CCDC178: variants seen among roughly 807,000 people sequenced by gnomAD.
The protein encoded by CCDC178 is coiled-coil domain-containing protein 178.
CCDC178 carries 126 observed loss-of-function variants against 117.4 expected under a neutral mutation model. The observed-to-expected ratio is 1.07, with a 90% CI of 0.93 to 1.24. CCDC178 has a LOEUF of 1.24. CCDC178 is among the 50% of genes most tolerant of loss of function. The pLI, the probability that CCDC178 is intolerant of heterozygous loss-of-function variation, is 0.00. For missense variants in CCDC178, 1,030 were observed against 986.9 expected, an observed-to-expected ratio of 1.04 and a Z score of -0.59; for synonymous variants, 283 against 313.4, an observed-to-expected ratio of 0.90 and a Z score of 1.02.
chr18:33,121,359 T>G (rs1165776841), intron 20 of CCDC178, among the ~76,000 whole-genome samples: 1 of 152,112 alleles, frequency 6.6e-6, no homozygotes, highest in African/African-American at 2.4e-5. Context: ...CTTCCCTTCC[T>G]GATTGCCTGC....
chr18:32,982,476 A>G (rs1481657602), intron 21 of CCDC178, among the ~76,000 whole-genome samples: 1 of 152,190 alleles, frequency 6.6e-6, no homozygotes, highest in Non-Finnish European at 1.5e-5. Flanking sequence ...CAGCACTCAC[A>G]GTTCTTTGTC....
intron 15 of CCDC178, among the ~76,000 whole-genome samples, chr18:33,234,938 A>G (rs1405349341): frequency 6.6e-6 from 1 of 152,284 alleles, no homozygotes; most frequent in East Asian, 1.9e-4. Flanking sequence ...TTCTTATAGA[A>G]GTTGCATGGT....
chr18:33,380,777 A>C (rs377457685), intron 5 of CCDC178, among the ~76,000 whole-genome samples: 2 of 152,326 alleles, frequency 1.3e-5, no homozygotes, highest in South Asian at 2.1e-4. Context: ...TTTATGCACT[A>C]TCTTGCTTTT....
intron 20 of CCDC178, among the ~76,000 whole-genome samples, chr18:33,155,211 G>A (rs2058380255): frequency 6.6e-6 from 1 of 152,028 alleles, no homozygotes; most frequent in East Asian, 1.9e-4. Context: ...CTAAGATATC[G>A]AGAAAATCCT....
At chr18:33,196,119 G>A (rs778613276) in intron 20 of CCDC178, among the ~76,000 whole-genome samples, 1 of 152,204 alleles carries the variant, frequency 6.6e-6, no homozygotes, top group Non-Finnish European at 1.5e-5. Context: ...AGTTATTTTG[G>A]CAATTACTTT....
At chr18:33,325,999 C>T (rs2062579441) in intron 10 of CCDC178, among the ~76,000 whole-genome samples, 1 of 152,198 alleles carries the variant, frequency 6.6e-6, no homozygotes, top group East Asian at 1.9e-4. Flanking sequence ...ACTCCCTAGT[C>T]TCCCCTTCCT....
intron 9 of CCDC178, among the ~76,000 whole-genome samples, chr18:33,338,559 C>G (rs1241351488): frequency 1.3e-5 from 2 of 152,124 alleles, no homozygotes; most frequent in African/African-American, 4.8e-5. Flanking sequence ...TGGAATACTA[C>G]TCAGACATAC....
chr18:33,382,777 T>C (rs1377325260), intron 5 of CCDC178, among the ~76,000 whole-genome samples: 1 of 148,888 alleles, frequency 6.7e-6, no homozygotes, highest in Non-Finnish European at 1.5e-5. Flanking sequence ...GCTGCAGGAG[T>C]TTTTACATAC....
chr18:33,330,324 T>A lies in CCDC178; in HGVS notation c.879+2850A>T, dbSNP rs1009911790. On this transcript the variant is annotated intron_variant, in intron 10 of 22. Coordinates refer to ENST00000383096, the MANE Select transcript of CCDC178 (RefSeq NM_001105528.4). ...TCTTAATAGCATCTCAGTTTCATGA[T>A]GGGGAATTATTTTTTCTTGGGGAAT... 1.4e-4 allele frequency among the ~76,000 whole-genome samples: 21 copies of A among 152,130 alleles called. 1 individual carries two copies. Among genetic ancestry groups the A allele is most frequent in the African/African-American group, 5.1e-4 (21 of 41,424 alleles).
At chr18:33,424,521 C>G (rs146351200) in intron 2 of CCDC178, among the ~76,000 whole-genome samples, 2 of 152,270 alleles carry the variant, frequency 1.3e-5, no homozygotes, top group Non-Finnish European at 2.9e-5. Flanking sequence ...TGGTTCTAAG[C>G]CACTAGTGTC....
intron 20 of CCDC178, among the ~76,000 whole-genome samples, chr18:33,151,709 G>A (rs1205428623): frequency 3.9e-5 from 6 of 152,052 alleles, no homozygotes; most frequent in African/African-American, 1.2e-4. Context: ...CTGTCAAATC[G>A]GGATAATAAT....
At chr18:33,216,008 G>T (rs2059161459) in intron 18 of CCDC178, among the ~76,000 whole-genome samples, 1 of 151,938 alleles carries the variant, frequency 6.6e-6, no homozygotes. Flanking sequence ...TGAGGTGGGA[G>T]GATCACTTTA....
chr18:33,044,901 A>G (rs1015430722), intron 21 of CCDC178, among the ~76,000 whole-genome samples: 2 of 152,168 alleles, frequency 1.3e-5, no homozygotes, highest in African/African-American at 4.8e-5. Context: ...CATTGTTCTG[A>G]GGGAAATAAC....
At chr18:33,068,299 A>C (rs1029640853) in intron 21 of CCDC178, among the ~76,000 whole-genome samples, 4 of 152,188 alleles carry the variant, frequency 2.6e-5, no homozygotes, top group Admixed American at 2.6e-4. Context: ...TTAAGAGTTC[A>C]TTCTTCCTAA....
intron 11 of CCDC178, among the ~76,000 whole-genome samples, chr18:33,305,418 G>A (rs1258746457): frequency 6.6e-6 from 1 of 152,150 alleles, no homozygotes; most frequent in African/African-American, 2.4e-5. Flanking sequence ...GGGATGCCTG[G>A]CACAAGGTCG....
At chr18:33,326,248 T>C (rs1849523538) in intron 10 of CCDC178, among the ~76,000 whole-genome samples, 1 of 152,156 alleles carries the variant, frequency 6.6e-6, no homozygotes, top group Non-Finnish European at 1.5e-5. Flanking sequence ...ATTTTAATCA[T>C]TTCAGCAGAT....
chr18:33,109,659 T>C (rs1444937696), intron 20 of CCDC178, among the ~76,000 whole-genome samples: 9 of 151,586 alleles, frequency 5.9e-5, no homozygotes, highest in Non-Finnish European at 3.0e-5. Flanking sequence ...TAATTAACCA[T>C]TCTCCCAAAC....
In CCDC178 at chr18:33,412,051, C is replaced by T; in HGVS notation, c.38G>A (p.Arg13Lys). ...ENKTVSSSSTRDDQTNIGLTC... is the reference protein window; with the variant it reads ...ENKTVSSSSTKDDQTNIGLTC... ...CTTACCTATATTGGTTTGATCATCT[C>T]TAGTGGAAGAAGAGGAAACTGTCTT... is the stretch of plus-strand genomic sequence containing the variant. Residue 13 changes from arginine to lysine, a missense_variant, in exon 3 of 23, where the codon AGA becomes AAA. By Grantham distance (26) the Arg-to-Lys change is conservative. Coordinates refer to ENST00000383096, the MANE Select transcript of CCDC178 (RefSeq NM_001105528.4). 1 of 1,504,394 alleles carries T rather than the reference C, an allele frequency of 6.6e-7. No individual in the cohort carries two copies. Among genetic ancestry groups the T allele is most frequent in the Non-Finnish European group, 9.2e-7 (1 of 1,092,534 alleles). The allele number at this position is 1,504,394 out of a possible 1,614,324, so 93.2% of individuals were successfully genotyped here. A position where few individuals can be genotyped will look rare whatever the true frequency, so the allele number is the denominator to read the frequency against.
chr18:33,147,150 T>C (rs1350421367), intron 20 of CCDC178, among the ~76,000 whole-genome samples: 5 of 150,696 alleles, frequency 3.3e-5, no homozygotes, highest in Non-Finnish European at 3.0e-5. Context: ...TCTTTTTTTT[T>C]TTTTTTTTTT....
Sources: allele counts gnomAD v4.1 joint callset (sites outside exome capture counted in the v4.1 genomes callset), GRCh38; gene constraint gnomAD v4.1.1; transcripts MANE v1.5; gene names NCBI Gene and HGNC (gene_info 2026-07-23, HGNC 2026-07-21).